The following ADAM7 variants were observed in gnomAD, a reference collection of about 807,000 sequenced individuals.
ADAM7 encodes the protein disintegrin and metalloproteinase domain-containing protein 7.
Under a neutral mutation model 102.9 loss-of-function variants are expected in ADAM7, and 97 were observed. That is an observed-to-expected ratio of 0.94 (90% CI 0.80 to 1.12). ADAM7 has a LOEUF of 1.12. Ranked by LOEUF, ADAM7 falls within the 50% of genes most tolerant of loss-of-function variation. The pLI is 0.00. For synonymous variants in ADAM7, 334 were observed against 304.4 expected (o/e 1.10, Z -1.01); for missense variants, 991 against 908.7 (o/e 1.09, Z -1.16).
At chr8:24,480,891 C>T (rs1019649315) in intron 8 of ADAM7, among the ~76,000 whole-genome samples, 1 of 151,854 alleles carries the variant, frequency 6.6e-6, no homozygotes, top group Non-Finnish European at 1.5e-5. Context: ...ACAACAACAA[C>T]AAAAAGAAAT....
intron 3 of ADAM7, among the ~76,000 whole-genome samples, chr8:24,452,635 A>T (rs1043053517): frequency 6.7e-6 from 1 of 149,278 alleles, no homozygotes; most frequent in Non-Finnish European, 1.5e-5. Context: ...TAATTGGAGC[A>T]TTTAGTCCAT....
chr8:24,479,388 T>C (rs1819873998), intron 8 of ADAM7, among the ~76,000 whole-genome samples: 1 of 152,146 alleles, frequency 6.6e-6, no homozygotes, highest in African/African-American at 2.4e-5. Context: ...TTTGTTTTGT[T>C]TTCCTTTTCT....
rs78175273 is a variant in ADAM7, at chr8:24,485,461, T to A, written c.960+100T>A. 1.4e-3 allele frequency: 1,358 copies of A among 962,040 alleles called. 11 individuals are homozygous for A. In the African/African-American group the frequency reaches 0.017, roughly 12 times the overall value. The allele number at this position is 962,040 out of a possible 1,614,324, so 59.6% of individuals were successfully genotyped here. A position where few individuals can be genotyped will look rare whatever the true frequency, so the allele number is the denominator to read the frequency against. ...GAGACTATGTATGCATTTTGTCATA[T>A]ATACTCACTAAGATATGTCATGAAC... is the stretch of plus-strand genomic sequence containing the variant. On this transcript the variant is annotated intron_variant, in intron 10 of 21. Coordinates refer to ENST00000175238, the MANE Select transcript of ADAM7 (RefSeq NM_003817.4).
At chr8:24,487,485 A>G (rs1237493279) in intron 11 of ADAM7, among the ~76,000 whole-genome samples, 168 bp downstream of exon 11, 1 of 152,032 alleles carries the variant, frequency 6.6e-6, no homozygotes, top group East Asian at 1.9e-4. Flanking sequence ...CATCTCTACT[A>G]AAAATACAAA....
chr8:24,447,190 C>T lies in ADAM7; in HGVS notation c.161C>T (p.Thr54Met), dbSNP rs201059242. Residue 54 changes from threonine to methionine, a missense_variant, in exon 3 of 22, where the codon ACG becomes ATG. Transcript: ENST00000175238. ...GHTHDDDILKTYEEELLYEIK... is the reference protein window; with the variant it reads ...GHTHDDDILKMYEEELLYEIK... ...GTGATGCCTCTTCTTTTTTAGAAAA[C>T]GTATGAAGAAGAATTGTTGTATGAA... The T allele has an allele frequency of 1.1e-4, 163 of 1,536,438 alleles. 2 individuals are homozygous for T. The East Asian group carries it at 1.7e-3, about 16-fold the overall frequency.
rs139731987 is a variant in ADAM7 at position 24,443,057 on chromosome 8, C to T, written c.156+481C>T. 5.9e-5 allele frequency among the ~76,000 whole-genome samples: 9 copies of T among 152,116 alleles called. No homozygotes were observed. In the East Asian group the frequency reaches 1.4e-3, roughly 23 times the overall value. ...CTTGAAAGATTACTTTCAAAAGTAA[C>T]GAATGCTTATTATAGAAAATAGATA... On this transcript the variant is annotated intron_variant, in intron 2 of 21. Coordinates refer to ENST00000175238, the MANE Select transcript of ADAM7 (RefSeq NM_003817.4).
chr8:24,448,791 T>C (rs1446777426), intron 3 of ADAM7, among the ~76,000 whole-genome samples: 1 of 152,034 alleles, frequency 6.6e-6, no homozygotes, highest in East Asian at 1.9e-4. Context: ...GTATATCTCC[T>C]AATGCTATCC....
chr8:24,460,136 A>T (rs1285369771), intron 3 of ADAM7, among the ~76,000 whole-genome samples: 1 of 152,014 alleles, frequency 6.6e-6, no homozygotes, highest in Non-Finnish European at 1.5e-5. Context: ...GCAGTTTGTT[A>T]TCTGATATTA....
At chr8:24,444,837 TA>T (rs1818494139) in intron 2 of ADAM7, among the ~76,000 whole-genome samples, 2 of 152,102 alleles carry the variant, frequency 1.3e-5, no homozygotes, top group East Asian at 3.8e-4. Context: ...TGAATAACTA[TA>T]ATTAATAGTA....
At chr8:24,473,243 A>C (rs950823878) in intron 7 of ADAM7, among the ~76,000 whole-genome samples, 4 of 152,208 alleles carry the variant, frequency 2.6e-5, no homozygotes, top group African/African-American at 9.6e-5. Context: ...AGTTTATTAT[A>C]ACCTTTGTAT....
chr8:24,459,451 T>C (rs561027960), intron 3 of ADAM7, among the ~76,000 whole-genome samples: 2 of 151,956 alleles, frequency 1.3e-5, no homozygotes, highest in East Asian at 3.9e-4. Context: ...TATTTATTTA[T>C]TTTTATTTTT....
rs186701092 is a variant in ADAM7 at position 24,503,434 on chromosome 8, T to G, written c.2208+1858T>G. Among the ~76,000 whole-genome samples, 108 of 152,218 alleles carry G rather than the reference T, an allele frequency of 7.1e-4. 1 individual carries two copies. Among genetic ancestry groups the G allele is most frequent in the Middle Eastern group, 3.4e-3 (1 of 294 alleles). The stretch of plus-strand genomic sequence containing the variant: ...CACTTTTACATTGTTGGAGGGAGTG[T>G]AAATTAGTTCAACCATTGTGGAAGA... On this transcript the variant is annotated intron_variant, in intron 20 of 21. Transcript: ENST00000175238.
intron 9 of ADAM7, among the ~76,000 whole-genome samples, chr8:24,482,549 A>T (rs1055216430): frequency 1.3e-5 from 2 of 152,052 alleles, no homozygotes; most frequent in African/African-American, 4.8e-5. Flanking sequence ...GGAGTTCAAG[A>T]CCAGCCCCAG....
In ADAM7 at chr8:24,443,997, C is replaced by T. The variant is rs376105950; in HGVS notation, c.156+1421C>T. Among the ~76,000 whole-genome samples the T allele has an allele frequency of 4.0e-5, 6 of 150,050 alleles. No individual in the cohort carries two copies. In the East Asian group the frequency reaches 7.8e-4, roughly 20 times the overall value. ...AATAAAAATATCATTATGAATATAC[C>T]AGATAAGCTTGGATAAGGGCAAGGA... On this transcript the variant is annotated intron_variant, in intron 2 of 21. Transcript: ENST00000175238.
intron 8 of ADAM7, among the ~76,000 whole-genome samples, chr8:24,480,597 C>T (rs1208572456): frequency 6.6e-6 from 1 of 152,008 alleles, no homozygotes; most frequent in Non-Finnish European, 1.5e-5. Flanking sequence ...AAGAAAATAT[C>T]ATCAGAAGGA....
chr8:24,484,128 C>T (rs1479210008), intron 9 of ADAM7, among the ~76,000 whole-genome samples: 1 of 152,168 alleles, frequency 6.6e-6, no homozygotes, highest in Non-Finnish European at 1.5e-5. Context: ...CCCCTCCATA[C>T]ATGTGGTTTT....
intron 20 of ADAM7, among the ~76,000 whole-genome samples, chr8:24,503,305 C>T (rs571805142): frequency 2.6e-5 from 4 of 152,048 alleles, no homozygotes; most frequent in African/African-American, 7.2e-5. Flanking sequence ...GTAGCAACAG[C>T]GATAATTTCC....
At chr8:24,457,287 G>A (rs570075070) in intron 3 of ADAM7, among the ~76,000 whole-genome samples, 2 of 150,852 alleles carry the variant, frequency 1.3e-5, no homozygotes, top group Admixed American at 6.6e-5. Flanking sequence ...TATTGAGTTC[G>A]AGGAGATTTT....
chr8:24,499,259 A>G lies in ADAM7; in HGVS notation c.1866A>G (p.Leu622=). The G allele has an allele frequency of 6.2e-7, 1 of 1,605,354 alleles. No individual in the cohort carries two copies. Among genetic ancestry groups the G allele is most frequent in the Non-Finnish European group, 8.5e-7 (1 of 1,176,546 alleles). ...AGGTGTGCAACAATGGTGAATGTCT[A>G]AACATGGAAAAGGTCTATATCTCAA... The part of the protein sequence containing the change: ...EGMVCNNGEC[L]NMEKVYISTN... The change falls in exon 17 of 22, where the codon CTA becomes CTG. Residue 622 remains leucine (L), a synonymous_variant. Transcript: ENST00000175238.
Sources: allele counts gnomAD v4.1 joint callset (sites outside exome capture counted in the v4.1 genomes callset), GRCh38; gene constraint gnomAD v4.1.1; transcripts MANE v1.5; gene names NCBI Gene and HGNC (gene_info 2026-07-23, HGNC 2026-07-21).